The following DNAH2 variants were observed in gnomAD, a reference collection of about 807,000 sequenced individuals.
DNAH2 encodes axonemal beta dynein heavy chain 2.
DNAH2 carries 323 observed loss-of-function variants against 523.5 expected under a neutral mutation model. That is an observed-to-expected ratio of 0.62 (90% confidence interval 0.56 to 0.68). The LOEUF (loss-of-function observed/expected upper bound fraction) is 0.68. Ranked by LOEUF, DNAH2 falls within the 30% of genes least tolerant of loss-of-function variation. The pLI, the probability that DNAH2 is intolerant of heterozygous loss-of-function variation, is 0.00. For synonymous variants in DNAH2, 2,093 were observed against 2,177.4 expected (o/e 0.96, Z 1.08); for missense variants, 4,907 against 5,701.5 (o/e 0.86, Z 4.49).
At chr17:7,725,866 A>C (rs920801394) in intron 3 of DNAH2, among the ~76,000 whole-genome samples, 2 of 152,084 alleles carry the variant, frequency 1.3e-5, no homozygotes, top group Non-Finnish European at 2.9e-5. Context: ...TATGTATTAT[A>C]GGAAAGATTT....
intron 22 of DNAH2, among the ~76,000 whole-genome samples, chr17:7,767,609 CTTTTT>C (rs373073103): frequency 7.3e-6 from 1 of 137,096 alleles, no homozygotes; most frequent in Non-Finnish European, 1.6e-5. Flanking sequence ...ACTTATTTAC[CTTTTT>C]TTTTTTTTTT....
chr17:7,792,310 A>G lies in DNAH2; in HGVS notation c.7112A>G (p.Asp2371Gly). The part of the protein sequence containing the change: ...PKIRSWTSFE[D>G]KLPKSWRYPP... ...ATACGGAGTTGGACATCATTTGAGG[A>G]CAAGCTCCCTAAGAGTTGGCGCTAC... Residue 2371 changes from aspartate to glycine, a missense_variant, in exon 46 of 86, where the codon GAC becomes GGC. Coordinates refer to ENST00000572933, the MANE Select transcript of DNAH2 (RefSeq NM_020877.5). The G allele has an allele frequency of 3.1e-6, 5 of 1,614,012 alleles. No homozygotes were observed. The highest frequency in any genetic ancestry group is 4.2e-6 in the Non-Finnish European group (5 of 1,179,990).
At chr17:7,777,341 T>G in intron 32 of DNAH2, 105 bp from the exon 33 acceptor site, 2 of 1,214,962 alleles carry the variant, frequency 1.6e-6, no homozygotes, top group Non-Finnish European at 2.4e-6. Flanking sequence ...TTACAGCAGG[T>G]GGGGTCAGCA....
rs116068458 is a variant in DNAH2, at chr17:7,771,234, C to A, written c.4363-96C>A. 1.2e-3 allele frequency: 1,792 copies of A among 1,551,236 alleles called. 13 individuals carry two copies. In the African/African-American group the frequency reaches 0.021, roughly 18 times the overall value. On this transcript the variant is annotated intron_variant, in intron 27 of 85. Transcript: ENST00000572933. Reference sequence around the variant, plus strand: ...GCCTTTGACTTCTAGCACTCTGTATCTTCTACCCAACTGTCACCCACAATC... The same window carrying A: ...GCCTTTGACTTCTAGCACTCTGTATATTCTACCCAACTGTCACCCACAATC...
intron 11 of DNAH2, among the ~76,000 whole-genome samples, chr17:7,741,256 T>C (rs535919314): frequency 5.1e-5 from 2 of 39,552 alleles, no homozygotes; most frequent in African/African-American, 1.5e-4. Flanking sequence ...CTTTCTTTCT[T>C]TCTTTCTTTC....
intron 28 of DNAH2, among the ~76,000 whole-genome samples, chr17:7,772,343 G>C (rs2076340258): frequency 6.6e-6 from 1 of 152,178 alleles, no homozygotes; most frequent in South Asian, 2.1e-4. Flanking sequence ...AACATGAAAA[G>C]TTATGGTATG....
intron 85 of DNAH2, 31 bp downstream of exon 85, chr17:7,833,252 G>A: frequency 6.2e-7 from 1 of 1,606,476 alleles, no homozygotes; most frequent in South Asian, 1.1e-5. Flanking sequence ...GGACCTGCCT[G>A]CCCCGTCCCT....
At chr17:7,741,843 A>C (rs2075363502) in intron 11 of DNAH2, among the ~76,000 whole-genome samples, 1 of 149,286 alleles carries the variant, frequency 6.7e-6, no homozygotes, top group Non-Finnish European at 1.5e-5. Flanking sequence ...TTGTATTTTT[A>C]GTAGAGAAGA....
intron 12 of DNAH2, among the ~76,000 whole-genome samples, chr17:7,745,889 A>G (rs1437388390): frequency 6.6e-6 from 1 of 152,130 alleles, no homozygotes; most frequent in Non-Finnish European, 1.5e-5. Context: ...AGCCAGCGAG[A>G]GTAGATACAG....
In DNAH2 at chr17:7,823,510, C is replaced by T. The variant is rs1299647072; in HGVS notation, c.11211C>T (p.Asn3737=). Reference sequence around the variant, plus strand: ...GGCTTGCAGATGCCTACTGGGATAACATCACAGAGCTAGACAAACTGACCA... The same window carrying T: ...GGCTTGCAGATGCCTACTGGGATAATATCACAGAGCTAGACAAACTGACCA... ...SSWLADAYWD[N]ITELDKLTNF... The change falls in exon 74 of 86, where the codon AAC becomes AAT. Residue 3737 remains asparagine, a synonymous_variant. Transcript: ENST00000572933. The T allele has an allele frequency of 5.6e-6, 9 of 1,614,000 alleles. No individual in the cohort carries two copies. The highest frequency in any genetic ancestry group is 4.0e-5 in the African/African-American group (3 of 74,870).
intron 56 of DNAH2, among the ~76,000 whole-genome samples, chr17:7,801,044 C>T (rs1391980589): frequency 1.3e-5 from 2 of 151,430 alleles, no homozygotes; most frequent in Non-Finnish European, 2.9e-5. Flanking sequence ...AGCTAATTTT[C>T]GTACTTTTTG....
At chr17:7,801,770 T>C in intron 57 of DNAH2, 60 bp downstream of exon 57, 2 of 1,610,316 alleles carry the variant, frequency 1.2e-6, no homozygotes, top group South Asian at 1.1e-5. Context: ...CCGCCTCTCA[T>C]CTCTCATCGC....
rs755800534 is a variant in DNAH2, at chr17:7,768,077, G to A, written c.3837+16G>A. Reference sequence around the variant, plus strand: ...AGAGTATAAGGTGGGGAGAAACGGCGGGGAGGCGGAAGAGAAGCTGGTGGA... The same window carrying A: ...AGAGTATAAGGTGGGGAGAAACGGCAGGGAGGCGGAAGAGAAGCTGGTGGA... On this transcript the variant is annotated intron_variant, in intron 23 of 85. Transcript: ENST00000572933. The A allele has an allele frequency of 1.1e-5, 18 of 1,614,022 alleles. No homozygotes were observed. The East Asian group carries it at 1.3e-4, about 12-fold the overall frequency.
intron 58 of DNAH2, 27 bp downstream of exon 58, chr17:7,802,044 G>A: frequency 6.2e-7 from 1 of 1,612,808 alleles, no homozygotes; most frequent in East Asian, 2.2e-5. Context: ...GGGATGTGCA[G>A]GGCCAGGGAG....
chr17:7,723,534 A>AG (rs1405968362), intron 2 of DNAH2, 94 bp from the exon 3 acceptor site: 1 of 1,012,240 alleles, frequency 9.9e-7, no homozygotes, highest in African/African-American at 1.6e-5. Flanking sequence ...GTACTCCCAA[A>AG]GTGCTAGGAC....
chr17:7,798,233 G>T lies in DNAH2; in HGVS notation c.8307G>T (p.Gln2769His). 6.2e-7 allele frequency: 1 copy of T among 1,613,876 alleles called. No homozygotes were observed. The highest frequency in any genetic ancestry group is 1.7e-5 in the Admixed American group (1 of 60,020). Residue 2769 changes from glutamine to histidine, a missense_variant, in exon 54 of 86, where the codon CAG becomes CAT. Physicochemically the swap from Gln to His is conservative, Grantham distance 24. Around this residue, in one of 3 missense-constraint regions of DNAH2, gnomAD observed 1,851 missense variants for 2,139.4 expected, o/e 0.87. Transcript: ENST00000572933. The surrounding 1 kb of genome is among the most constrained non-coding windows in gnomAD (Gnocchi z 5.5). ...LLVGIGGSGRQSLARLASSIC... is the reference protein window; with the variant it reads ...LLVGIGGSGRHSLARLASSIC... Reference sequence around the variant, plus strand: ...TGGGTATCGGGGGCAGCGGACGCCAGAGTCTGGCCCGCCTGGCTTCATCCA... The same window carrying T: ...TGGGTATCGGGGGCAGCGGACGCCATAGTCTGGCCCGCCTGGCTTCATCCA...
Position 7,830,496 on chromosome 17 carries a change from G to A in DNAH2, c.12045+5G>A. 6.2e-7 allele frequency: 1 copy of A among 1,613,850 alleles called. No individual in the cohort carries two copies. Among genetic ancestry groups the A allele is most frequent in the Non-Finnish European group, 8.5e-7 (1 of 1,179,826 alleles). On this transcript the variant is annotated splice_donor_5th_base_variant and intron_variant, in intron 78 of 85. Transcript: ENST00000572933. ...TTCAATGACTCCGACTTTGAGGTTT[G>A]CATTAGCCAGGGGTCCTCATCCCAG...
At position 7,807,323 on chromosome 17, in the gene DNAH2, A is replaced by G; in HGVS notation, c.9612+4A>G. 1 of 1,612,196 alleles carries G rather than the reference A, an allele frequency of 6.2e-7. No homozygotes were observed. ...CATGTGGGTGCGGGCCATGGAGGTA[A>G]AGGCGTCAGGGCTGGGGCGGGGCGG... is the stretch of plus-strand genomic sequence containing the variant. On this transcript the variant is annotated splice_donor_region_variant and intron_variant, in intron 62 of 85. Coordinates refer to ENST00000572933, the MANE Select transcript of DNAH2 (RefSeq NM_020877.5). The surrounding 1 kb of genome is among the most constrained non-coding windows in gnomAD (Gnocchi z 5.6).
At position 7,780,792 on chromosome 17, in the gene DNAH2, G is replaced by A; in HGVS notation, c.6003+10G>A. On this transcript the variant is annotated intron_variant, in intron 38 of 85. Transcript: ENST00000572933. This position sits in a 1 kb window ranked among gnomAD's most constrained non-coding sequence, Gnocchi z 4.4. ...TCTGACTGATGAAGAGGTAGAGCAA[G>A]GACACAGCCTTTGGACCTGACTTCC... 1 of 1,614,142 alleles carries A rather than the reference G, an allele frequency of 6.2e-7. No individual in the cohort carries two copies. Among genetic ancestry groups the A allele is most frequent in the East Asian group, 2.2e-5 (1 of 44,884 alleles).
Sources: gnomAD v4.1 joint callset for allele counts (sites outside exome capture counted in the v4.1 genomes callset) on GRCh38, gnomAD v4.1.1 for gene constraint, gnomAD v4.1.1 regional missense constraint, Gnocchi (gnomAD v3.1) non-coding constraint, MANE v1.5 for transcripts, NCBI Gene and HGNC (gene_info 2026-07-23, HGNC 2026-07-21) for gene names.